Variants in NR3C1 observed in about 807,000 individuals in gnomAD.
The protein encoded by NR3C1 is nuclear receptor subfamily 3 group C member 1, also known as glucocorticoid receptor.
In NR3C1, 14 loss-of-function variants were observed where a neutral mutation model predicts 74.0. That is an observed-to-expected ratio of 0.19 (90% CI 0.12 to 0.30). NR3C1 has a LOEUF of 0.30. NR3C1 is among the 10% of genes least tolerant of loss of function. The pLI, the probability that NR3C1 is intolerant of heterozygous loss-of-function variation, is 1.00. For synonymous variants in NR3C1, 308 were observed against 332.5 expected, an observed-to-expected ratio of 0.93 and a Z score of 0.80; for missense variants, 695 against 909.8, an observed-to-expected ratio of 0.76 and a Z score of 3.04.
At chr5:143,290,362 T>C (rs953011383) in intron 7 of NR3C1, among the ~76,000 whole-genome samples, 1 of 152,234 alleles carries the variant, frequency 6.6e-6, no homozygotes, top group Non-Finnish European at 1.5e-5. Context: ...GTTTAGTAGC[T>C]GTGACAGAGA....
At chr5:143,356,338 CTTAATA>C (rs1002960517) in intron 2 of NR3C1, among the ~76,000 whole-genome samples, 97 of 151,856 alleles carry the variant, frequency 6.4e-4, no homozygotes, top group African/African-American at 1.7e-3. Flanking sequence ...AGACTGAGAG[CTTAATA>C]TTAATATTAA....
intron 7 of NR3C1, among the ~76,000 whole-genome samples, chr5:143,290,152 T>C (rs1050072286): frequency 6.6e-6 from 1 of 152,254 alleles, no homozygotes; most frequent in African/African-American, 2.4e-5. Context: ...TTAAGGAGTA[T>C]TTTGCCTTAA....
chr5:143,286,802 A>G (rs757006868), intron 7 of NR3C1, among the ~76,000 whole-genome samples: 5 of 152,124 alleles, frequency 3.3e-5, no homozygotes, highest in African/African-American at 4.8e-5. Flanking sequence ...ACAAGAGCAC[A>G]GTAAGTTTTT....
chr5:143,383,653 C>T (rs1467451291), intron 2 of NR3C1, among the ~76,000 whole-genome samples: 2 of 152,108 alleles, frequency 1.3e-5, no homozygotes, highest in Admixed American at 6.5e-5. Context: ...GAACATTACA[C>T]ATATTGTTAA....
chr5:143,328,998 G>A (rs185626427), intron 2 of NR3C1, among the ~76,000 whole-genome samples: 16 of 152,132 alleles, frequency 1.1e-4, no homozygotes, highest in East Asian at 5.8e-4. Flanking sequence ...AGTCACTTCC[G>A]CATTTTCAGA....
intron 2 of NR3C1, among the ~76,000 whole-genome samples, chr5:143,385,527 C>T (rs1284324839): frequency 2.0e-5 from 3 of 152,216 alleles, no homozygotes; most frequent in Admixed American, 6.5e-5. Context: ...AGCAGCCAGG[C>T]CACATATTGA....
chr5:143,347,729 A>C (rs1366270377), intron 2 of NR3C1, among the ~76,000 whole-genome samples: 1 of 152,220 alleles, frequency 6.6e-6, no homozygotes, highest in Non-Finnish European at 1.5e-5. Flanking sequence ...ATTTGTGTGA[A>C]ATGACATTGA....
chr5:143,406,058 A>G (rs1027205481), upstream of NR3C1, among the ~76,000 whole-genome samples: 6 of 152,052 alleles, frequency 3.9e-5, no homozygotes, highest in Non-Finnish European at 7.4e-5. Context: ...TTATCCTTGT[A>G]CACTGCTTAA....
intron 2 of NR3C1, 96 bp from the exon 3 acceptor site, chr5:143,314,264 A>G: frequency 7.5e-7 from 1 of 1,331,876 alleles, no homozygotes; most frequent in South Asian, 1.2e-5. Context: ...GAATGCTCAC[A>G]GTGAACTCTG....
chr5:143,320,342 G>C (rs537928586), intron 2 of NR3C1, among the ~76,000 whole-genome samples: 1 of 152,262 alleles, frequency 6.6e-6, no homozygotes, highest in South Asian at 2.1e-4. Context: ...GTTTGCATTG[G>C]TTTCAACTTT....
chr5:143,398,127 G>A (rs754284420), intron 2 of NR3C1, among the ~76,000 whole-genome samples: 7 of 151,800 alleles, frequency 4.6e-5, no homozygotes, highest in Non-Finnish European at 1.0e-4. Flanking sequence ...CCAAGTATGC[G>A]AATTCTATTG....
chr5:143,309,090 T>TC (rs1554076501), intron 4 of NR3C1, among the ~76,000 whole-genome samples: 17 of 151,216 alleles, frequency 1.1e-4, no homozygotes, highest in Admixed American at 2.6e-4. Flanking sequence ...TTTTTTTTTT[T>TC]CCAAGACGGA....
intron 1 of NR3C1, among the ~76,000 whole-genome samples, chr5:143,415,953 G>A (rs1335754038): frequency 6.6e-6 from 1 of 152,184 alleles, no homozygotes; most frequent in Non-Finnish European, 1.5e-5. Flanking sequence ...GCTACTAGCT[G>A]GAGACCCCTC....
At chr5:143,356,367 G>A (rs1250742050) in intron 2 of NR3C1, among the ~76,000 whole-genome samples, 1 of 151,880 alleles carries the variant, frequency 6.6e-6, no homozygotes, top group East Asian at 1.9e-4. Context: ...TTAAGAAATG[G>A]AGCATCCAGA....
intron 4 of NR3C1, among the ~76,000 whole-genome samples, chr5:143,309,226 C>T (rs1820358893): frequency 6.6e-6 from 1 of 152,034 alleles, no homozygotes; most frequent in African/African-American, 2.4e-5. Flanking sequence ...GGTGACACCA[C>T]CACGCTCCGC....
chr5:143,366,650 C>A (rs1201965715), intron 2 of NR3C1, among the ~76,000 whole-genome samples: 2 of 151,558 alleles, frequency 1.3e-5, no homozygotes, highest in Admixed American at 6.6e-5. Context: ...GACCTTACAG[C>A]AAAAAAATAA....
At chr5:143,403,178 C>G in intron 1 of NR3C1, 33 bp downstream of exon 1, 4 of 984,766 alleles carry the variant, frequency 4.1e-6, no homozygotes, top group Non-Finnish European at 4.8e-6. Flanking sequence ...GGGGAGCGAG[C>G]GCGCCCCGGC....
intron 1 of NR3C1, among the ~76,000 whole-genome samples, chr5:143,416,074 A>G (rs1460447518): frequency 6.6e-6 from 1 of 152,206 alleles, no homozygotes; most frequent in African/African-American, 2.4e-5. Context: ...CAGGGATACC[A>G]TAATGCTTGA....
At chr5:143,365,382 CT>C (rs1468334684) in intron 2 of NR3C1, among the ~76,000 whole-genome samples, 1 of 152,040 alleles carries the variant, frequency 6.6e-6, no homozygotes, top group Non-Finnish European at 1.5e-5. Flanking sequence ...GCTGAAGTGG[CT>C]ATACTAATAT....
Sources: gnomAD v4.1 joint callset for allele counts (sites outside exome capture counted in the v4.1 genomes callset) on GRCh38, gnomAD v4.1.1 for gene constraint, MANE v1.5 for transcripts, NCBI Gene and HGNC (gene_info 2026-07-23, HGNC 2026-07-21) for gene names.